CHMP4B: variants seen among roughly 807,000 people sequenced by gnomAD.
CHMP4B encodes SNF7 homolog associated with Alix 1.
In CHMP4B, 1 loss-of-function variant was observed where a neutral mutation model predicts 25.1. That is an observed-to-expected ratio of 0.04 (90% confidence interval 0.01 to 0.19). CHMP4B has a LOEUF of 0.19. CHMP4B is among the 10% of genes least tolerant of loss of function. The probability of loss-of-function intolerance (pLI) is 1.00; values close to 1 mark genes in which losing one functional copy is unlikely to be tolerated. For synonymous variants in CHMP4B, 101 were observed against 115.6 expected, an observed-to-expected ratio of 0.87 and a Z score of 0.81; for missense variants, 151 against 289.7, an observed-to-expected ratio of 0.52 and a Z score of 3.48.
chr20:33,830,215 T>C (rs1979201784), intron 1 of CHMP4B, among the ~76,000 whole-genome samples: 1 of 152,096 alleles, frequency 6.6e-6, no homozygotes, highest in Non-Finnish European at 1.5e-5. Flanking sequence ...CCTCAGCATA[T>C]GGAGCCAGGA....
At chr20:33,820,351 C>A (rs931923408) in intron 1 of CHMP4B, among the ~76,000 whole-genome samples, 7 of 152,110 alleles carry the variant, frequency 4.6e-5, no homozygotes, top group African/African-American at 7.2e-5. Context: ...ATGTTGAGAT[C>A]CCAAATCTTT....
intron 1 of CHMP4B, among the ~76,000 whole-genome samples, chr20:33,820,898 T>A (rs1978921669): frequency 6.6e-6 from 1 of 152,186 alleles, no homozygotes; most frequent in Admixed American, 6.5e-5. Context: ...TGAGAATGGA[T>A]CAGTGTTTAA....
Position 33,811,421 on chromosome 20 carries a change from G to A in CHMP4B, c.-48G>A. On this transcript the variant is annotated 5_prime_UTR_variant, in exon 1 of 5. Coordinates refer to ENST00000217402, the MANE Select transcript of CHMP4B (RefSeq NM_176812.5). ...GAGCCGACCCGAGCCGAGCCGAGCCGAGCCGAGCCGGAGCGGGCGGCGAAG... is the reference window on the plus strand; with the variant it reads ...GAGCCGACCCGAGCCGAGCCGAGCCAAGCCGAGCCGGAGCGGGCGGCGAAG... The A allele has an allele frequency of 7.0e-7, 1 of 1,437,814 alleles. No homozygotes were observed. Among genetic ancestry groups the A allele is most frequent in the Non-Finnish European group, 9.1e-7 (1 of 1,096,140 alleles). The allele number at this position is 1,437,814 out of a possible 1,614,324, so 89.1% of individuals were successfully genotyped here.
intron 1 of CHMP4B, among the ~76,000 whole-genome samples, chr20:33,835,826 G>A (rs1270129768): frequency 6.6e-6 from 1 of 152,362 alleles, no homozygotes; most frequent in Admixed American, 6.5e-5. Flanking sequence ...GGTGGAAGGC[G>A]AAGGGGAGCT....
chr20:33,814,628 G>A (rs1978731060), intron 1 of CHMP4B, among the ~76,000 whole-genome samples: 1 of 152,106 alleles, frequency 6.6e-6, no homozygotes, highest in Non-Finnish European at 1.5e-5. Context: ...GAAGTAGTGA[G>A]GAGCCCTTAG....
At chr20:33,837,118 A>T (rs896285475) in intron 1 of CHMP4B, among the ~76,000 whole-genome samples, 2 of 152,186 alleles carry the variant, frequency 1.3e-5, no homozygotes, top group African/African-American at 4.8e-5. Flanking sequence ...GTGTTAGTTC[A>T]TGTGAGAAAG....
intron 1 of CHMP4B, among the ~76,000 whole-genome samples, chr20:33,842,410 T>C (rs1165028726): frequency 6.6e-6 from 1 of 152,212 alleles, no homozygotes; most frequent in Admixed American, 6.5e-5. Flanking sequence ...AACCAGTGGC[T>C]TCAGGGCCAG....
Position 33,818,368 on chromosome 20 carries a change from T to TCTGAGGTTGCAGGTGGATGGTG in CHMP4B, c.190+6711_190+6712insTGAGGTTGCAGGTGGATGGTGC, listed in dbSNP as rs1978837871. The stretch of plus-strand genomic sequence containing the variant: ...TCATCTCTGAGGTTGCAGGTTCATC[T>TCTGAGGTTGCAGGTGGATGGTG]CACCCAGCCACCCATCCAATGCCCA... On this transcript the variant is annotated intron_variant, in intron 1 of 4. Transcript: ENST00000217402. Among the ~76,000 whole-genome samples the TCTGAGGTTGCAGGTGGATGGTG allele has an allele frequency of 2.6e-5, 4 of 152,382 alleles. No individual in the cohort carries two copies. The South Asian group carries it at 8.3e-4, about 32-fold the overall frequency.
At chr20:33,839,289 G>A (rs773684699) in intron 1 of CHMP4B, among the ~76,000 whole-genome samples, 3 of 152,158 alleles carry the variant, frequency 2.0e-5, no homozygotes, top group African/African-American at 2.4e-5. Context: ...CAAGTTGGGC[G>A]TTATGGAGTG....
chr20:33,824,719 C>T (rs1979043980), intron 1 of CHMP4B, among the ~76,000 whole-genome samples: 1 of 151,926 alleles, frequency 6.6e-6, no homozygotes, highest in South Asian at 2.1e-4. Context: ...GTGGGACTGT[C>T]TTGTGTATTG....
intron 1 of CHMP4B, among the ~76,000 whole-genome samples, chr20:33,824,729 G>A (rs1391145902): frequency 6.6e-6 from 1 of 151,964 alleles, no homozygotes; most frequent in Non-Finnish European, 1.5e-5. Flanking sequence ...CTTGTGTATT[G>A]TAGGATGTTC....
In CHMP4B at chr20:33,848,540, C is replaced by T; in HGVS notation, c.264C>T (p.Thr88=). The change falls in exon 2 of 5, where the codon ACC becomes ACT. Residue 88 remains threonine (T), a synonymous_variant. Coordinates refer to ENST00000217402, the MANE Select transcript of CHMP4B (RefSeq NM_176812.5). ...QLAQIDGTLS[T]IEFQREALEN... The stretch of plus-strand genomic sequence containing the variant: ...CGCAGATCGACGGCACATTATCAAC[C>T]ATCGAGTTCCAGCGGGAGGCCCTGG... The T allele has an allele frequency of 1.9e-6, 3 of 1,614,216 alleles. No homozygotes were observed. Among genetic ancestry groups the T allele is most frequent in the Non-Finnish European group, 2.5e-6 (3 of 1,180,038 alleles).
chr20:33,839,265 G>A (rs1439916748), intron 1 of CHMP4B, among the ~76,000 whole-genome samples: 1 of 152,140 alleles, frequency 6.6e-6, no homozygotes, highest in African/African-American at 2.4e-5. Context: ...CCACAAATGA[G>A]GAAATGGCAG....
rs921939429 is a variant in CHMP4B at position 33,823,577 on chromosome 20, G to A, written c.190+11919G>A. 3.9e-5 allele frequency among the ~76,000 whole-genome samples: 6 copies of A among 151,950 alleles called. No homozygotes were observed. The South Asian group carries it at 8.3e-4, about 21-fold the overall frequency. On this transcript the variant is annotated intron_variant, in intron 1 of 4. Coordinates refer to ENST00000217402, the MANE Select transcript of CHMP4B (RefSeq NM_176812.5). Reference sequence around the variant, plus strand: ...TTTTCAGACAGAGTCTCACTCTGTTGCCCAGGCTGGAGTGAAGGGGCACGA... The same window carrying A: ...TTTTCAGACAGAGTCTCACTCTGTTACCCAGGCTGGAGTGAAGGGGCACGA...
At chr20:33,842,263 C>T (rs2122807250) in intron 1 of CHMP4B, among the ~76,000 whole-genome samples, 1 of 152,160 alleles carries the variant, frequency 6.6e-6, no homozygotes, top group Admixed American at 6.5e-5. Context: ...CTTTGGGTCA[C>T]CCGAGATCAG....
At chr20:33,831,219 A>C (rs374483250) in intron 1 of CHMP4B, among the ~76,000 whole-genome samples, 179 of 151,354 alleles carry the variant, frequency 1.2e-3, no homozygotes, top group African/African-American at 4.0e-3. Context: ...CTCAGCCTCC[A>C]GAGTAGCTAG....
At chr20:33,834,128 G>A (rs1979328829) in intron 1 of CHMP4B, among the ~76,000 whole-genome samples, 1 of 152,122 alleles carries the variant, frequency 6.6e-6, no homozygotes, top group African/African-American at 2.4e-5. Context: ...CTCGATACCA[G>A]TAATCTTTTT....
rs1169117364 is a variant in CHMP4B, at chr20:33,852,211, C to T, written c.610+8C>T. On this transcript the variant is annotated splice_region_variant and intron_variant, in intron 4 of 4. Transcript: ENST00000217402. ...CCCTACCATCAAAACCCGGTGAGTG[C>T]TTCTAGAGTCATGGCACACCGTGAG... 6.2e-7 allele frequency: 1 copy of T among 1,614,022 alleles called. No homozygotes were observed. Among genetic ancestry groups the T allele is most frequent in the East Asian group, 2.2e-5 (1 of 44,884 alleles).
intron 1 of CHMP4B, among the ~76,000 whole-genome samples, chr20:33,820,011 C>CA (rs374709271): frequency 0.14 from 20,192 of 143,072 alleles, 1,502 homozygotes; most frequent in Middle Eastern, 0.21. Context: ...ACTAAAAATA[C>CA]AAAAAAAAAA....
Sources: gnomAD v4.1 joint callset for allele counts (sites outside exome capture counted in the v4.1 genomes callset) on GRCh38, gnomAD v4.1.1 for gene constraint, MANE v1.5 for transcripts, NCBI Gene and HGNC (gene_info 2026-07-23, HGNC 2026-07-21) for gene names.